Variants in ANXA2 observed in about 807,000 individuals in gnomAD.
ANXA2 encodes the protein annexin A2, also known as annexin II.
A neutral mutation model predicts 47.3 loss-of-function variants in ANXA2; 28 were observed. The ratio of observed to expected loss-of-function variants is 0.59; its 90% CI spans 0.44 to 0.81. The LOEUF (loss-of-function observed/expected upper bound fraction) is 0.81. Among genes scored for constraint, ANXA2 ranks in the 40% least tolerant of loss-of-function variants. The pLI is 0.00. For synonymous variants in ANXA2, 172 were observed against 155.5 expected (o/e 1.11, Z -0.79); for missense variants, 384 against 414.3 (o/e 0.93, Z 0.64).
chr15:60,389,211 T>C (rs1381739201), intron 1 of ANXA2, among the ~76,000 whole-genome samples: 1 of 152,020 alleles, frequency 6.6e-6, no homozygotes, highest in Non-Finnish European at 1.5e-5. Context: ...AGGCAAGAAA[T>C]AAAAAATGCC....
At chr15:60,385,348 A>G (rs1218631629) in intron 2 of ANXA2, among the ~76,000 whole-genome samples, 2 of 152,230 alleles carry the variant, frequency 1.3e-5, no homozygotes, top group Non-Finnish European at 2.9e-5. Context: ...CAGGCAGATC[A>G]CGAAGTCAAG....
chr15:60,394,986 C>T (rs1244141885), intron 1 of ANXA2, among the ~76,000 whole-genome samples: 1 of 148,190 alleles, frequency 6.7e-6, no homozygotes, highest in African/African-American at 2.5e-5. Flanking sequence ...GAAGAGGATT[C>T]TCATGTGAAA....
chr15:60,356,870 T>C (rs926209113), intron 6 of ANXA2, among the ~76,000 whole-genome samples: 12 of 152,342 alleles, frequency 7.9e-5, no homozygotes, highest in African/African-American at 2.9e-4. Context: ...CATCCGATCT[T>C]GTTTAAAAAC....
chr15:60,381,945 C>G (rs2062865700), intron 3 of ANXA2, among the ~76,000 whole-genome samples: 1 of 147,924 alleles, frequency 6.8e-6, no homozygotes, highest in African/African-American at 2.5e-5. Context: ...TCCTTTTAAC[C>G]ATTACTTGGT....
intron 9 of ANXA2, 129 bp from the exon 10 acceptor site, chr15:60,351,948 G>T: frequency 1.4e-6 from 1 of 694,522 alleles, no homozygotes. Context: ...TAGGAGCTTA[G>T]AGGTTACCAC....
intron 4 of ANXA2, 76 bp from the exon 5 acceptor site, chr15:60,361,130 G>T: frequency 9.8e-7 from 1 of 1,021,116 alleles, no homozygotes; most frequent in Non-Finnish European, 1.5e-6. Flanking sequence ...AAGTAAGAGG[G>T]ATCTTTTTGT....
At chr15:60,379,265 G>A (rs543253681) in intron 3 of ANXA2, among the ~76,000 whole-genome samples, 7 of 152,004 alleles carry the variant, frequency 4.6e-5, no homozygotes, top group African/African-American at 9.7e-5. Context: ...GTGACACAGC[G>A]AAACTCCATC....
intron 4 of ANXA2, among the ~76,000 whole-genome samples, chr15:60,362,452 G>C (rs2062529493): frequency 6.6e-6 from 1 of 152,120 alleles, no homozygotes; most frequent in African/African-American, 2.4e-5. Context: ...TTCCCTGTAA[G>C]GAGAAGCCTC....
At chr15:60,370,090 G>A (rs548894926) in intron 3 of ANXA2, among the ~76,000 whole-genome samples, 1 of 152,274 alleles carries the variant, frequency 6.6e-6, no homozygotes, top group South Asian at 2.1e-4. Flanking sequence ...CTAGGAGGCA[G>A]CAACAACCAT....
Position 60,352,527 on chromosome 15 carries a change from C to A in ANXA2, c.589-51G>T. The A allele has an allele frequency of 3.1e-6, 4 of 1,297,484 alleles. No individual in the cohort carries two copies. Among genetic ancestry groups the A allele is most frequent in the Non-Finnish European group, 4.3e-6 (4 of 920,044 alleles). 80.4% of individuals were successfully genotyped at this position (1,297,484 alleles called of 1,614,324 possible). A position where few individuals can be genotyped will look rare whatever the true frequency, so the allele number is the denominator to read the frequency against. On this transcript the variant is annotated intron_variant, in intron 8 of 12. Transcript: ENST00000451270. The surrounding 1 kb of genome is among the most constrained non-coding windows in gnomAD (Gnocchi z 4.2). Reference sequence around the variant, plus strand: ...GTTAACTACACATCCAATGTAACGTCAAAAAAAATGTCATGCAAAAAAAAC... The same window carrying A: ...GTTAACTACACATCCAATGTAACGTAAAAAAAAATGTCATGCAAAAAAAAC...
At chr15:60,389,013 A>T (rs2062972259) in intron 1 of ANXA2, among the ~76,000 whole-genome samples, 1 of 152,034 alleles carries the variant, frequency 6.6e-6, no homozygotes, top group South Asian at 2.1e-4. Flanking sequence ...AACATTCTAG[A>T]GGGTCTCATC....
Position 60,351,269 on chromosome 15 carries a change from G to A in ANXA2, c.779-18C>T. ...GCACTGAACTGTGGAGAGAAGAAAGGGAGTCAGCGCTGCAGCTGCTCTGGT... is the reference window on the plus strand; with the variant it reads ...GCACTGAACTGTGGAGAGAAGAAAGAGAGTCAGCGCTGCAGCTGCTCTGGT... On this transcript the variant is annotated intron_variant, in intron 10 of 12. Transcript: ENST00000451270. 1 of 1,613,950 alleles carries A rather than the reference G, an allele frequency of 6.2e-7. No homozygotes were observed. The highest frequency in any genetic ancestry group is 8.5e-7 in the Non-Finnish European group (1 of 1,179,810).
At chr15:60,381,811 C>CA (rs1258309955) in intron 3 of ANXA2, among the ~76,000 whole-genome samples, 26 of 152,048 alleles carry the variant, frequency 1.7e-4, no homozygotes, top group Non-Finnish European at 1.5e-5. Context: ...GGACTTGGAA[C>CA]AAAAAATGCC....
chr15:60,349,748 A>G (rs1566928118), intron 11 of ANXA2, among the ~76,000 whole-genome samples: 1 of 149,410 alleles, frequency 6.7e-6, no homozygotes, highest in African/African-American at 2.5e-5. Context: ...GAGAGAAAGA[A>G]AGAGAGAAAG....
At chr15:60,358,340 A>C (rs943693234) in intron 5 of ANXA2, among the ~76,000 whole-genome samples, 2 of 152,232 alleles carry the variant, frequency 1.3e-5, no homozygotes, top group Non-Finnish European at 2.9e-5. Flanking sequence ...AGCTGGCTTC[A>C]TGATCAAAGT....
intron 1 of ANXA2, 91 bp downstream of exon 1, chr15:60,397,852 C>G: frequency 7.2e-7 from 1 of 1,389,682 alleles, no homozygotes; most frequent in Non-Finnish European, 9.3e-7. Flanking sequence ...GTTGCCGGGG[C>G]CTCCCTGCCA....
At position 60,397,929 on chromosome 15, in the gene ANXA2, C is replaced by G. The variant is rs757403219; in HGVS notation, c.-12+14G>C. The stretch of plus-strand genomic sequence containing the variant: ...GGCGGCCCATCGCGGGCGGGCAGGG[C>G]GCGCCCCGCTTACCTGGGCCGTGCG... On this transcript the variant is annotated intron_variant, in intron 1 of 12. Coordinates refer to ENST00000451270, the MANE Select transcript of ANXA2 (RefSeq NM_004039.3). 3.8e-6 allele frequency: 5 copies of G among 1,322,582 alleles called. No individual in the cohort carries two copies. In the East Asian group the frequency reaches 1.5e-4, roughly 41 times the overall value. 81.9% of individuals were successfully genotyped at this position (1,322,582 alleles called of 1,614,324 possible).
chr15:60,367,060 G>C (rs1475798123), intron 3 of ANXA2, among the ~76,000 whole-genome samples: 1 of 68,544 alleles, frequency 1.5e-5, no homozygotes, highest in Non-Finnish European at 3.0e-5. Flanking sequence ...GCCCCGTCCG[G>C]GAGGGGGGAG....
intron 1 of ANXA2, chr15:60,390,212 C>G: frequency 2.1e-6 from 2 of 963,560 alleles, no homozygotes; most frequent in South Asian, 8.2e-5. Context: ...GTCACACTTA[C>G]CACAAAGCAG....
Sources: gnomAD v4.1 joint callset for allele counts (sites outside exome capture counted in the v4.1 genomes callset) on GRCh38, gnomAD v4.1.1 for gene constraint, Gnocchi (gnomAD v3.1) non-coding constraint, MANE v1.5 for transcripts, NCBI Gene and HGNC (gene_info 2026-07-23, HGNC 2026-07-21) for gene names.